BIRC6: variants seen among roughly 807,000 people sequenced by gnomAD.
BIRC6 encodes the protein dual E2 ubiquitin-conjugating enzyme/E3 ubiquitin-protein ligase BIRC6.
BIRC6 carries 98 observed loss-of-function variants against 503.3 expected under a neutral mutation model. That is an observed-to-expected ratio of 0.19 (90% CI 0.17 to 0.23). The LOEUF (loss-of-function observed/expected upper bound fraction) is 0.23. BIRC6 is among the 10% of genes least tolerant of loss of function. The probability of loss-of-function intolerance (pLI) is 1.00; values close to 1 mark genes in which losing one functional copy is unlikely to be tolerated. For synonymous variants in BIRC6, 2,240 were observed against 2,078.7 expected (o/e 1.08, Z -2.11); for missense variants, 5,360 against 5,806.0 (o/e 0.92, Z 2.50).
intron 65 of BIRC6, among the ~76,000 whole-genome samples, chr2:32,568,874 C>T (rs1339897992): frequency 1.3e-5 from 2 of 151,026 alleles, no homozygotes; most frequent in African/African-American, 2.4e-5. Context: ...ATTTCTTGCA[C>T]ATAGTGTGAA....
chr2:32,534,925 T>C (rs537469164), intron 61 of BIRC6, among the ~76,000 whole-genome samples: 1 of 151,206 alleles, frequency 6.6e-6, no homozygotes, highest in Non-Finnish European at 1.5e-5. Flanking sequence ...CCCAAATAGA[T>C]GTAAAACTTA....
chr2:32,380,099 G>A, intron 2 of BIRC6, 54 bp from the exon 3 acceptor site: 2 of 1,260,668 alleles, frequency 1.6e-6, no homozygotes, highest in South Asian at 1.7e-5. Context: ...TTAATTTTTT[G>A]TTGTTCTTGT....
rs554776483 is a variant in BIRC6, at chr2:32,360,234, G to A, written c.325+2748G>A. On this transcript the variant is annotated intron_variant, in intron 1 of 73. Coordinates refer to ENST00000421745, the MANE Select transcript of BIRC6 (RefSeq NM_016252.4). ...GTTATGGGTTGCCTGTAGATTTGCA[G>A]TTGAAGGATGGGAACAGGACTTGTA... 8.5e-5 allele frequency among the ~76,000 whole-genome samples: 13 copies of A among 152,334 alleles called. No individual in the cohort carries two copies. The South Asian group carries it at 2.7e-3, about 32-fold the overall frequency.
intron 1 of BIRC6, among the ~76,000 whole-genome samples, chr2:32,365,000 T>C (rs1248295283): frequency 1.3e-5 from 2 of 152,222 alleles, no homozygotes; most frequent in Admixed American, 6.5e-5. Context: ...AAACATGATA[T>C]AGAATTCGGA....
At chr2:32,360,079 C>T (rs2033807747) in intron 1 of BIRC6, among the ~76,000 whole-genome samples, 1 of 152,158 alleles carries the variant, frequency 6.6e-6, no homozygotes, top group Non-Finnish European at 1.5e-5. Flanking sequence ...TAACATAATC[C>T]CTCTTTCCCG....
intron 29 of BIRC6, among the ~76,000 whole-genome samples, 157 bp downstream of exon 29, chr2:32,468,940 C>G (rs914668998): frequency 6.6e-6 from 1 of 152,054 alleles, no homozygotes; most frequent in Non-Finnish European, 1.5e-5. Context: ...ATCTATTTCT[C>G]CCTGTTATTT....
At chr2:32,367,831 T>C (rs1234296024) in intron 1 of BIRC6, among the ~76,000 whole-genome samples, 1 of 151,732 alleles carries the variant, frequency 6.6e-6, no homozygotes, top group Non-Finnish European at 1.5e-5. Context: ...GCCCCCACCT[T>C]CCCCCCAAAA....
At chr2:32,611,652 AC>A (rs1426842574) in intron 73 of BIRC6, 70 bp downstream of exon 73, 2 of 1,347,198 alleles carry the variant, frequency 1.5e-6, no homozygotes, top group Non-Finnish European at 2.0e-6. Context: ...AACCATGCCT[AC>A]CAGAAGATAA....
intron 9 of BIRC6, 123 bp downstream of exon 9, chr2:32,406,680 C>T (rs2041255832): frequency 1.3e-5 from 8 of 599,078 alleles, no homozygotes; most frequent in Admixed American, 6.6e-5. Flanking sequence ...CTAGTATACA[C>T]AGAAGACTGA....
At chr2:32,387,563 C>T (rs574412111) in intron 3 of BIRC6, among the ~76,000 whole-genome samples, 9 of 152,190 alleles carry the variant, frequency 5.9e-5, no homozygotes, top group South Asian at 2.1e-4. Flanking sequence ...TAACATTTAT[C>T]GAATATTGCT....
intron 12 of BIRC6, among the ~76,000 whole-genome samples, chr2:32,431,681 C>A (rs1229663569): frequency 6.6e-6 from 1 of 152,128 alleles, no homozygotes; most frequent in Non-Finnish European, 1.5e-5. Flanking sequence ...GAGTAATTTA[C>A]TACTGCAATT....
intron 66 of BIRC6, among the ~76,000 whole-genome samples, chr2:32,592,952 A>G (rs985117513): frequency 6.6e-6 from 1 of 152,204 alleles, no homozygotes; most frequent in Non-Finnish European, 1.5e-5. Context: ...CTAAGGCTCC[A>G]TGACCACTTT....
intron 61 of BIRC6, among the ~76,000 whole-genome samples, chr2:32,534,552 G>GA (rs1470193974): frequency 6.6e-6 from 1 of 151,464 alleles, no homozygotes; most frequent in Non-Finnish European, 1.5e-5. Flanking sequence ...CCAACATGGT[G>GA]AAACCCCATC....
At chr2:32,423,529 C>A (rs2043159406) in intron 10 of BIRC6, among the ~76,000 whole-genome samples, 1 of 152,072 alleles carries the variant, frequency 6.6e-6, no homozygotes, top group African/African-American at 2.4e-5. Flanking sequence ...TTGTAGATAC[C>A]TCATATAAGT....
chr2:32,467,859 G>T, intron 27 of BIRC6, 44 bp from the exon 28 acceptor site: 3 of 1,490,688 alleles, frequency 2.0e-6, no homozygotes, highest in South Asian at 2.5e-5. Flanking sequence ...GATTTTTATT[G>T]TGGCAGATGT....
chr2:32,443,432 G>A, intron 19 of BIRC6, 59 bp from the exon 20 acceptor site: 1 of 1,184,586 alleles, frequency 8.4e-7, no homozygotes. Context: ...ACCAGGTTTA[G>A]GGTTGAATTT....
intron 22 of BIRC6, 30 bp from the exon 23 acceptor site, chr2:32,453,778 C>T (rs1469105257): frequency 5.0e-6 from 8 of 1,603,258 alleles, no homozygotes; most frequent in Non-Finnish European, 5.1e-6. Flanking sequence ...ATTATCTTCA[C>T]GTGTTATAAA....
At position 32,485,512 on chromosome 2, in the gene BIRC6, G is replaced by T. The variant is rs2050892296; in HGVS notation, c.7697-131G>T. On this transcript the variant is annotated intron_variant, in intron 39 of 73. Coordinates refer to ENST00000421745, the MANE Select transcript of BIRC6 (RefSeq NM_016252.4). ...CCCTGCTGTGGCTCCGATACTGCAT[G>T]TTAGGTGGCTGTTCTGTAAGAACAC... is the stretch of plus-strand genomic sequence containing the variant. The T allele has an allele frequency of 1.7e-5, 10 of 588,474 alleles. No individual in the cohort carries two copies. In the South Asian group the frequency reaches 2.1e-4, roughly 13 times the overall value. 36.5% of individuals were successfully genotyped at this position (588,474 alleles called of 1,614,324 possible).
At chr2:32,600,002 A>G (rs567953365) in intron 70 of BIRC6, 102 bp downstream of exon 70, 56 of 1,124,744 alleles carry the variant, frequency 5.0e-5, no homozygotes, top group Admixed American at 2.0e-4. Context: ...CTAAGAGGGC[A>G]TGGGTTTCTT....
Sources: allele counts gnomAD v4.1 joint callset (sites outside exome capture counted in the v4.1 genomes callset), GRCh38; gene constraint gnomAD v4.1.1; transcripts MANE v1.5; gene names NCBI Gene and HGNC (gene_info 2026-07-23, HGNC 2026-07-21).